EDC3: variants seen among roughly 807,000 people sequenced by gnomAD.
EDC3 encodes enhancer of mRNA-decapping protein 3.
A neutral mutation model predicts 41.8 loss-of-function variants in EDC3; 20 were observed. The observed-to-expected ratio is 0.48, with a 90% CI of 0.34 to 0.70. The LOEUF (loss-of-function observed/expected upper bound fraction) is 0.70, where lower values mean the gene tolerates loss of function less well. Among genes scored for constraint, EDC3 ranks in the 30% least tolerant of loss-of-function variants. The probability of loss-of-function intolerance (pLI) is 0.01; values close to 1 mark genes in which losing one functional copy is unlikely to be tolerated. For synonymous variants in EDC3, 206 were observed against 243.2 expected (o/e 0.85, Z 1.42); for missense variants, 444 against 636.8 (o/e 0.70, Z 3.26).
intron 3 of EDC3, among the ~76,000 whole-genome samples, chr15:74,660,364 T>C (rs2062606923): frequency 6.7e-6 from 1 of 150,270 alleles, no homozygotes; most frequent in Non-Finnish European, 1.5e-5. Context: ...AGATCAAGAT[T>C]GCGCCACTGC....
intron 4 of EDC3, among the ~76,000 whole-genome samples, chr15:74,655,387 T>G (rs1031117396): frequency 6.6e-6 from 1 of 152,162 alleles, no homozygotes; most frequent in South Asian, 2.1e-4. Flanking sequence ...TCTGGTGAAA[T>G]GTATGGGCAG....
In EDC3 at chr15:74,640,342, A is replaced by C. The variant is rs532354381; in HGVS notation, c.974+124T>G. 11 of 1,107,644 alleles carry C rather than the reference A, an allele frequency of 9.9e-6. No individual in the cohort carries two copies. In the African/African-American group the frequency reaches 1.4e-4, roughly 14 times the overall value. 68.6% of individuals were successfully genotyped at this position (1,107,644 alleles called of 1,614,324 possible). A position where few individuals can be genotyped will look rare whatever the true frequency, so the allele number is the denominator to read the frequency against. On this transcript the variant is annotated intron_variant, in intron 5 of 6. Coordinates refer to ENST00000315127, the MANE Select transcript of EDC3 (RefSeq NM_025083.5). The stretch of plus-strand genomic sequence containing the variant: ...TCCAGGAAAGTGACTTCAGAGAGAC[A>C]CTCCCATCAGATGAGCAGAAACTGC...
chr15:74,638,931 C>A (rs2062311564), intron 5 of EDC3: 1 of 151,484 alleles, frequency 6.6e-6, no homozygotes, highest in African/African-American at 2.4e-5. Flanking sequence ...CATCTGTCCA[C>A]TTCTCTTTCT....
At chr15:74,653,528 C>T (rs1172593253) in intron 4 of EDC3, among the ~76,000 whole-genome samples, 1 of 152,134 alleles carries the variant, frequency 6.6e-6, no homozygotes, top group Admixed American at 6.5e-5. Flanking sequence ...GGCAAAAGGG[C>T]TTCCTTTCCA....
intron 3 of EDC3, among the ~76,000 whole-genome samples, chr15:74,667,514 CAGT>C (rs56137119): frequency 0.99 from 118,562 of 119,456 alleles, 58,864 homozygotes; most frequent in Middle Eastern, 1. Context: ...GCAGCAGCAG[CAGT>C]AGTAGTAGTA....
chr15:74,671,674 C>A lies in EDC3; in HGVS notation c.265G>T (p.Ala89Ser). ...LHQTELGPSG[A>S]GCQVGINQNG... ...TGATTGATGCCCACTTGGCAGCCAGCACCAGAGGGGCCTAATTCTGTTTGA... is the reference window on the plus strand; with the variant it reads ...TGATTGATGCCCACTTGGCAGCCAGAACCAGAGGGGCCTAATTCTGTTTGA... Residue 89 changes from alanine (A) to serine (S), a missense_variant, in exon 3 of 7, where the codon GCT (alanine) becomes TCT (serine). By Grantham distance (99) the Ala-to-Ser change is moderately conservative. This residue lies in a region of EDC3 where 200 missense variants were observed against 244.0 expected (regional missense o/e 0.82). Coordinates refer to ENST00000315127, the MANE Select transcript of EDC3 (RefSeq NM_025083.5). This position sits in a 1 kb window ranked among gnomAD's most constrained non-coding sequence, Gnocchi z 4.6. 6.2e-7 allele frequency: 1 copy of A among 1,614,162 alleles called. No homozygotes were observed.
chr15:74,665,218 G>C (rs2062664131), intron 3 of EDC3, among the ~76,000 whole-genome samples: 1 of 152,142 alleles, frequency 6.6e-6, no homozygotes, highest in African/African-American at 2.4e-5. Context: ...TAGAGACAGG[G>C]TTTCGTCATG....
chr15:74,665,977 G>C (rs1039476785), intron 3 of EDC3, among the ~76,000 whole-genome samples: 4 of 151,598 alleles, frequency 2.6e-5, no homozygotes, highest in African/African-American at 9.7e-5. Context: ...TTTTGTATTT[G>C]TGTACAGACG....
At chr15:74,644,601 C>T (rs1003270032) in intron 4 of EDC3, 32 of 151,664 alleles carry the variant, frequency 2.1e-4, no homozygotes, top group African/African-American at 7.5e-4. Context: ...GTGTGTATAC[C>T]TATGTAACAA....
At chr15:74,646,487 A>C (rs767603752) in intron 4 of EDC3, among the ~76,000 whole-genome samples, 4 of 152,248 alleles carry the variant, frequency 2.6e-5, no homozygotes, top group Admixed American at 6.5e-5. Context: ...TATCAATTTC[A>C]AATCAGGAGC....
chr15:74,662,259 A>G (rs930307908), intron 3 of EDC3, among the ~76,000 whole-genome samples: 4 of 151,390 alleles, frequency 2.6e-5, no homozygotes, highest in Admixed American at 2.0e-4. Context: ...TACATTACCT[A>G]CTTTGTTCTG....
chr15:74,683,897 A>G (rs2062903579), intron 1 of EDC3, among the ~76,000 whole-genome samples: 1 of 152,048 alleles, frequency 6.6e-6, no homozygotes, highest in South Asian at 2.1e-4. Flanking sequence ...CATGATACTT[A>G]ATGGTGAAAT....
chr15:74,663,862 G>A (rs1018194874), intron 3 of EDC3, among the ~76,000 whole-genome samples: 1 of 152,122 alleles, frequency 6.6e-6, no homozygotes, highest in Non-Finnish European at 1.5e-5. Flanking sequence ...AAGACTAACA[G>A]GGTCCACAGT....
intron 2 of EDC3, among the ~76,000 whole-genome samples, chr15:74,673,557 TG>T (rs11285908): frequency 1 from 152,288 of 152,288 alleles, 76,144 homozygotes; most frequent in Non-Finnish European, 1. Context: ...AGGTCTTGGC[TG>T]GGGCATGGTG....
At chr15:74,655,707 A>G in intron 4 of EDC3, 26 bp downstream of exon 4, 1 of 1,573,796 alleles carries the variant, frequency 6.4e-7, no homozygotes, top group Non-Finnish European at 8.6e-7. Context: ...AGCAACCAGC[A>G]GGATGTGGGA....
chr15:74,676,763 T>A (rs899116272), intron 1 of EDC3, among the ~76,000 whole-genome samples: 1 of 152,130 alleles, frequency 6.6e-6, no homozygotes, highest in Non-Finnish European at 1.5e-5. Context: ...TACCAAGAAC[T>A]CTTAAAACTC....
chr15:74,633,812 C>G (rs2062240358), intron 6 of EDC3, among the ~76,000 whole-genome samples: 1 of 152,140 alleles, frequency 6.6e-6, no homozygotes, highest in Non-Finnish European at 1.5e-5. Flanking sequence ...CACCAGGCCC[C>G]CTTCCCAGCT....
intron 3 of EDC3, among the ~76,000 whole-genome samples, chr15:74,662,681 C>G (rs991617099): frequency 3.3e-5 from 5 of 152,034 alleles, no homozygotes; most frequent in African/African-American, 1.2e-4. Flanking sequence ...ATGAACTATC[C>G]TGGAACTATT....
rs1318829491 is a variant in EDC3 at position 74,672,619 on chromosome 15, C to T, written c.165-845G>A. The stretch of plus-strand genomic sequence containing the variant: ...TCACTTGAGGCCAGGAGTTCGAGAC[C>T]AGCCTGGTCAACATGGCAAAACCCT... On this transcript the variant is annotated intron_variant, in intron 2 of 6. Transcript: ENST00000315127. Among the ~76,000 whole-genome samples, 4 of 152,108 alleles carry T rather than the reference C, an allele frequency of 2.6e-5. No individual in the cohort carries two copies. The East Asian group carries it at 5.8e-4, about 22-fold the overall frequency.
Sources: gnomAD v4.1 joint callset for allele counts (sites outside exome capture counted in the v4.1 genomes callset) on GRCh38, gnomAD v4.1.1 for gene constraint, gnomAD v4.1.1 regional missense constraint, Gnocchi (gnomAD v3.1) non-coding constraint, MANE v1.5 for transcripts, NCBI Gene and HGNC (gene_info 2026-07-23, HGNC 2026-07-21) for gene names.